The following PLCG1 variants were observed in gnomAD, a reference collection of about 807,000 sequenced individuals.
PLCG1 encodes 1-phosphatidylinositol 4,5-bisphosphate phosphodiesterase gamma-1.
A neutral mutation model predicts 177.8 loss-of-function variants in PLCG1; 71 were observed. The ratio of observed to expected loss-of-function variants is 0.40; its 90% CI spans 0.33 to 0.49. The LOEUF is 0.49. PLCG1 is among the 20% of genes least tolerant of loss of function. PLCG1 has a pLI of 0.72. For synonymous variants in PLCG1, 658 were observed against 647.9 expected, an observed-to-expected ratio of 1.02 and a Z score of -0.24; for missense variants, 1,281 against 1,709.0, an observed-to-expected ratio of 0.75 and a Z score of 4.42.
chr20:41,148,812 G>A lies in PLCG1; in HGVS notation c.218-10794G>A, dbSNP rs528665977. On this transcript the variant is annotated intron_variant, in intron 1 of 31. Coordinates refer to ENST00000685551, the MANE Select transcript of PLCG1 (RefSeq NM_002660.3). This position sits in a 1 kb window ranked among gnomAD's most constrained non-coding sequence, Gnocchi z 4.3. ...CTCCCCTTCTGTCTGTGCTGGCCCT[G>A]CTTGGCCACTTCCAACAAGGATTCT... Among the ~76,000 whole-genome samples the A allele has an allele frequency of 2.0e-5, 3 of 152,308 alleles. No homozygotes were observed. Among genetic ancestry groups the A allele is most frequent in the South Asian group, 2.1e-4 (1 of 4,828 alleles).
In PLCG1 at chr20:41,176,125, A is replaced by G. The variant is rs1488539074; in HGVS notation, c.*1616A>G. 1.3e-5 allele frequency: 2 copies of G among 152,200 alleles called. No individual in the cohort carries two copies. Among genetic ancestry groups the G allele is most frequent in the Non-Finnish European group, 2.9e-5 (2 of 68,028 alleles). 9.4% of individuals were successfully genotyped at this position (152,200 alleles called of 1,614,324 possible). On this transcript the variant is annotated 3_prime_UTR_variant, in exon 32 of 32. Transcript: ENST00000685551. ...CAGCTGAAATCTCTGGGCCCTTTCA[A>G]CACAGTTGAAAGGCCCTTCTCTTCC...
At position 41,167,925 on chromosome 20, in the gene PLCG1, T is replaced by G. The variant is rs2146050065; in HGVS notation, c.2375T>G (p.Phe792Cys). 6.2e-7 allele frequency: 1 copy of G among 1,611,406 alleles called. No individual in the cohort carries two copies. Among genetic ancestry groups the G allele is most frequent in the East Asian group, 2.2e-5 (1 of 44,848 alleles). Reference sequence around the variant, plus strand: ...GTAGAGGCAAACCCTATGCCAACTTTCAAGGTACAGCTCAGGCCTCTGGGC... The same window carrying G: ...GTAGAGGCAAACCCTATGCCAACTTGCAAGGTACAGCTCAGGCCTCTGGGC... ...FYVEANPMPT[F>C]KCAVKALFDY... is the part of the protein sequence containing the mutation. Residue 792 changes from phenylalanine (F) to cysteine (C), a missense_variant, in exon 20 of 32, where the codon TTC (phenylalanine) becomes TGC (cysteine). Phe to Cys is a radical substitution (Grantham distance 205). Around this residue, in one of 4 missense-constraint regions of PLCG1, gnomAD observed 723 missense variants for 1,030.0 expected, o/e 0.70. Coordinates refer to ENST00000685551, the MANE Select transcript of PLCG1 (RefSeq NM_002660.3). The surrounding 1 kb of genome is among the most constrained non-coding windows in gnomAD (Gnocchi z 4.4).
In PLCG1 at chr20:41,156,455, C is replaced by T. The variant is rs771770040; in HGVS notation, c.218-3151C>T. On this transcript the variant is annotated intron_variant, in intron 1 of 31. Coordinates refer to ENST00000685551, the MANE Select transcript of PLCG1 (RefSeq NM_002660.3). This position sits in a 1 kb window ranked among gnomAD's most constrained non-coding sequence, Gnocchi z 5.0. ...TGGGCTTTGCCTTCTTGGGTCAAGG[C>T]GAGCCTGGGCATTAGGCCTTTGTCA... Among the ~76,000 whole-genome samples, 2 of 152,120 alleles carry T rather than the reference C, an allele frequency of 1.3e-5. No individual in the cohort carries two copies. The highest frequency in any genetic ancestry group is 2.4e-5 in the African/African-American group (1 of 41,432).
Position 41,148,184 on chromosome 20 carries a change from T to C in PLCG1, c.217+10326T>C, listed in dbSNP as rs1294993318. Among the ~76,000 whole-genome samples the C allele has an allele frequency of 6.6e-6, 1 of 152,218 alleles. No homozygotes were observed. Among genetic ancestry groups the C allele is most frequent in the Non-Finnish European group, 1.5e-5 (1 of 68,036 alleles). On this transcript the variant is annotated intron_variant, in intron 1 of 31. Coordinates refer to ENST00000685551, the MANE Select transcript of PLCG1 (RefSeq NM_002660.3). This position sits in a 1 kb window ranked among gnomAD's most constrained non-coding sequence, Gnocchi z 4.3. ...CCCACAGATTTACTCTGTTGGAGGC[T>C]TAAGGACTAAACCAACATTTACTGT...
chr20:41,145,341 G>A (rs897390121), intron 1 of PLCG1, among the ~76,000 whole-genome samples: 26 of 152,192 alleles, frequency 1.7e-4, no homozygotes, highest in Non-Finnish European at 1.5e-5. Context: ...TATGACTTAG[G>A]ATGCATGTGG....
In PLCG1 at chr20:41,160,261, T is replaced by G; in HGVS notation, c.512+108T>G. 1 of 976,054 alleles carries G rather than the reference T, an allele frequency of 1.0e-6. No homozygotes were observed. The highest frequency in any genetic ancestry group is 1.6e-6 in the Non-Finnish European group (1 of 615,792). The allele number at this position is 976,054 out of a possible 1,614,324, so 60.5% of individuals were successfully genotyped here. A position where few individuals can be genotyped will look rare whatever the true frequency, so the allele number is the denominator to read the frequency against. ...GAGAGCCAGAGGACCCAGGGGACCT[T>G]AAGTGGGGCCAGGAGGGTGGGCAGA... is the stretch of plus-strand genomic sequence containing the variant. On this transcript the variant is annotated intron_variant, in intron 4 of 31. Coordinates refer to ENST00000685551, the MANE Select transcript of PLCG1 (RefSeq NM_002660.3). This position sits in a 1 kb window ranked among gnomAD's most constrained non-coding sequence, Gnocchi z 5.5.
At chr20:41,158,873 C>T (rs2035403922) in intron 1 of PLCG1, among the ~76,000 whole-genome samples, 3 of 152,252 alleles carry the variant, frequency 2.0e-5, no homozygotes, top group African/African-American at 7.2e-5. Flanking sequence ...ATAAATTATT[C>T]ATCATTGCCT....
intron 5 of PLCG1, 37 bp from the exon 6 acceptor site, chr20:41,162,605 G>A (rs776352991): frequency 6.2e-7 from 1 of 1,609,544 alleles, no homozygotes; most frequent in Non-Finnish European, 8.5e-7. Flanking sequence ...CTGGGGGCCT[G>A]ACTGCCTGAC....
At chr20:41,149,762 A>G (rs2035107716) in intron 1 of PLCG1, among the ~76,000 whole-genome samples, 1 of 152,210 alleles carries the variant, frequency 6.6e-6, no homozygotes, top group African/African-American at 2.4e-5. Context: ...TGCTAAATGC[A>G]GGTAGGCCTG....
Position 41,163,221 on chromosome 20 carries a change from G to A in PLCG1, c.735G>A (p.Glu245=). ...ASTLRAGERP[E]LCRVSLPEFQ... Reference sequence around the variant, plus strand: ...CCTGCAGGGCTGGGGAGCGGCCGGAGCTTTGCCGAGTGTCCCTTCCTGAGT... The same window carrying A: ...CCTGCAGGGCTGGGGAGCGGCCGGAACTTTGCCGAGTGTCCCTTCCTGAGT... The change falls in exon 8 of 32, where the codon GAG becomes GAA. Residue 245 remains glutamate, a synonymous_variant. Coordinates refer to ENST00000685551, the MANE Select transcript of PLCG1 (RefSeq NM_002660.3). The surrounding 1 kb of genome is among the most constrained non-coding windows in gnomAD (Gnocchi z 5.2). The A allele has an allele frequency of 1.9e-6, 3 of 1,547,078 alleles. No homozygotes were observed. Among genetic ancestry groups the A allele is most frequent in the South Asian group, 1.3e-5 (1 of 78,810 alleles).
chr20:41,154,231 A>G (rs533176742), intron 1 of PLCG1, among the ~76,000 whole-genome samples: 2 of 152,284 alleles, frequency 1.3e-5, no homozygotes, highest in African/African-American at 4.8e-5. Context: ...CAGGCTTATA[A>G]ATTTGGGGGA....
chr20:41,152,043 C>T (rs2035182343), intron 1 of PLCG1, among the ~76,000 whole-genome samples: 2 of 152,190 alleles, frequency 1.3e-5, no homozygotes, highest in African/African-American at 4.8e-5. Flanking sequence ...TTTCTTTGTC[C>T]ATCTTTCAGC....
At chr20:41,138,593 T>A (rs1234047797) in intron 1 of PLCG1, among the ~76,000 whole-genome samples, 1 of 151,722 alleles carries the variant, frequency 6.6e-6, no homozygotes, top group Non-Finnish European at 1.5e-5. Context: ...GGAAGCACGT[T>A]CCCAGGAGAT....
rs1032538369 is a variant in PLCG1 at position 41,163,645 on chromosome 20, C to G, written c.892-70C>G. On this transcript the variant is annotated intron_variant, in intron 9 of 31. Transcript: ENST00000685551. The surrounding 1 kb of genome is among the most constrained non-coding windows in gnomAD (Gnocchi z 5.2). Reference sequence around the variant, plus strand: ...GGACAGAGCACTCTCTCTCCTACCCCCAACCTACCATCTTGGGTTGGACAG... The same window carrying G: ...GGACAGAGCACTCTCTCTCCTACCCGCAACCTACCATCTTGGGTTGGACAG... The G allele has an allele frequency of 2.6e-5, 31 of 1,193,292 alleles. No individual in the cohort carries two copies. The East Asian group carries it at 4.9e-4, about 19-fold the overall frequency. 73.9% of individuals were successfully genotyped at this position (1,193,292 alleles called of 1,614,324 possible).
chr20:41,148,963 C>T lies in PLCG1; in HGVS notation c.218-10643C>T, dbSNP rs753580044. ...CCTCTTTGTGCTCAATTTCCTCACT[C>T]GGGAATTGGGGACCCTAATACTTAC... On this transcript the variant is annotated intron_variant, in intron 1 of 31. Transcript: ENST00000685551. The surrounding 1 kb of genome is among the most constrained non-coding windows in gnomAD (Gnocchi z 4.3). 6.6e-5 allele frequency among the ~76,000 whole-genome samples: 10 copies of T among 152,318 alleles called. No homozygotes were observed. The highest frequency in any genetic ancestry group is 3.9e-4 in the East Asian group (2 of 5,190).
In PLCG1 at chr20:41,173,412, G is replaced by T. The variant is rs752366461; in HGVS notation, c.3280-8G>T. 1.3e-6 allele frequency: 2 copies of T among 1,584,238 alleles called. No individual in the cohort carries two copies. The highest frequency in any genetic ancestry group is 1.7e-6 in the Non-Finnish European group (2 of 1,164,888). On this transcript the variant is annotated splice_polypyrimidine_tract_variant and splice_region_variant and intron_variant, in intron 27 of 31. Coordinates refer to ENST00000685551, the MANE Select transcript of PLCG1 (RefSeq NM_002660.3). The surrounding 1 kb of genome is among the most constrained non-coding windows in gnomAD (Gnocchi z 6.2). ...GACAATCCCAGGCCCTTCTTTGTCT[G>T]CCTACAGGTGCTGGGGGCCCGACAT...
chr20:41,172,210 A>G lies in PLCG1; in HGVS notation c.2826A>G (p.Ile942Met), dbSNP rs768874263. 5.6e-6 allele frequency: 9 copies of G among 1,613,442 alleles called. No individual in the cohort carries two copies. In the South Asian group the frequency reaches 9.9e-5, roughly 18 times the overall value. Residue 942 changes from isoleucine to methionine, a missense_variant, in exon 25 of 32, where the codon ATA becomes ATG. Ile to Met is a conservative substitution (Grantham distance 10). Coordinates refer to ENST00000685551, the MANE Select transcript of PLCG1 (RefSeq NM_002660.3). This position sits in a 1 kb window ranked among gnomAD's most constrained non-coding sequence, Gnocchi z 7.0. ...GTCACCAGCTCACTGAAGGGAAGAT[A>G]ATGGAACGGAGGAAGAAGATTGCCC... ...TADARLTEGK[I>M]MERRKKIALE... is the part of the protein sequence containing the mutation.
chr20:41,137,881 T>C lies in PLCG1; in HGVS notation c.217+23T>C. ...CCAGTAAGTGCGCCCACTTCCTGCC[T>C]GGGCCCGCCCCGCGCGGGGGTCGTG... On this transcript the variant is annotated intron_variant, in intron 1 of 31. Coordinates refer to ENST00000685551, the MANE Select transcript of PLCG1 (RefSeq NM_002660.3). The surrounding 1 kb of genome is among the most constrained non-coding windows in gnomAD (Gnocchi z 7.3). 1 of 1,243,930 alleles carries C rather than the reference T, an allele frequency of 8.0e-7. No homozygotes were observed. The highest frequency in any genetic ancestry group is 1.0e-6 in the Non-Finnish European group (1 of 982,332). 77.1% of individuals were successfully genotyped at this position (1,243,930 alleles called of 1,614,324 possible).
chr20:41,169,978 C>A, intron 23 of PLCG1, 134 bp from the exon 24 acceptor site: 1 of 801,144 alleles, frequency 1.2e-6, no homozygotes. Flanking sequence ...GCAGAGTAGT[C>A]CTTCCCCTCA....
Sources: gnomAD v4.1 joint callset for allele counts (sites outside exome capture counted in the v4.1 genomes callset) on GRCh38, gnomAD v4.1.1 for gene constraint, gnomAD v4.1.1 regional missense constraint, Gnocchi (gnomAD v3.1) non-coding constraint, MANE v1.5 for transcripts, NCBI Gene and HGNC (gene_info 2026-07-23, HGNC 2026-07-21) for gene names.